The following PARD3B variants were observed in gnomAD, a reference collection of about 807,000 sequenced individuals.
The protein encoded by PARD3B is partitioning defective 3 homolog B.
In PARD3B, 103 loss-of-function variants were observed where a neutral mutation model predicts 130.2. The ratio of observed to expected loss-of-function variants is 0.79; its 90% CI spans 0.67 to 0.93. The LOEUF (loss-of-function observed/expected upper bound fraction) is 0.93. Among genes scored for constraint, PARD3B ranks in the 40% least tolerant of loss-of-function variants. PARD3B has a pLI of 0.00. For synonymous variants in PARD3B, 583 were observed against 553.2 expected (o/e 1.05, Z -0.76); for missense variants, 1,609 against 1,499.2 (o/e 1.07, Z -1.21).
At chr2:205,442,856 A>T (rs2047769330) in intron 20 of PARD3B, among the ~76,000 whole-genome samples, 1 of 152,226 alleles carries the variant, frequency 6.6e-6, no homozygotes. Context: ...AAAATTATTG[A>T]CTGCCCAGTC....
In PARD3B at chr2:205,101,012, CTT is replaced by C. The variant is rs202246662; in HGVS notation, c.505-3411_505-3410del. 4.6e-3 allele frequency among the ~76,000 whole-genome samples: 701 copies of C among 152,246 alleles called. 8 individuals are homozygous for C. Among genetic ancestry groups the C allele is most frequent in the African/African-American group, 0.016 (653 of 41,568 alleles). On this transcript the variant is annotated intron_variant, in intron 4 of 22. Coordinates refer to ENST00000406610, the MANE Select transcript of PARD3B (RefSeq NM_001302769.2). Reference sequence around the variant, plus strand: ...CATTGGACTTCGTTAACATAAAAAACTTTTGTGCTTTAAAGGACACATGAAGA... The same window carrying C: ...CATTGGACTTCGTTAACATAAAAAACTTGTGCTTTAAAGGACACATGAAGA...
At chr2:204,558,804 A>G (rs1488758331) in intron 1 of PARD3B, among the ~76,000 whole-genome samples, 2 of 152,226 alleles carry the variant, frequency 1.3e-5, no homozygotes, top group Non-Finnish European at 2.9e-5. Flanking sequence ...CTACAAGGCT[A>G]CAGTAACCAA....
chr2:205,489,840 G>A (rs1452295176), intron 20 of PARD3B, among the ~76,000 whole-genome samples: 1 of 152,090 alleles, frequency 6.6e-6, no homozygotes, highest in Non-Finnish European at 1.5e-5. Context: ...CTCCCTTTGT[G>A]AGAAATGGAG....
intron 13 of PARD3B, among the ~76,000 whole-genome samples, chr2:205,185,484 C>A (rs1203241642): frequency 1.3e-5 from 2 of 152,080 alleles, no homozygotes; most frequent in Admixed American, 6.6e-5. Flanking sequence ...TATGTGTCAG[C>A]CTTTTGTTGG....
At chr2:204,802,011 T>C (rs1022703112) in intron 2 of PARD3B, among the ~76,000 whole-genome samples, 1 of 152,250 alleles carries the variant, frequency 6.6e-6, no homozygotes, top group African/African-American at 2.4e-5. Context: ...TTATGTTTAT[T>C]GATTTGCATA....
intron 2 of PARD3B, among the ~76,000 whole-genome samples, chr2:204,748,247 A>G (rs938548609): frequency 6.6e-5 from 10 of 152,230 alleles, no homozygotes; most frequent in East Asian, 1.9e-4. Context: ...AAAGATGGGT[A>G]GAAAAATGTC....
chr2:204,823,899 C>G (rs1384646065), intron 2 of PARD3B, among the ~76,000 whole-genome samples: 1 of 151,070 alleles, frequency 6.6e-6, no homozygotes, highest in Non-Finnish European at 1.5e-5. Flanking sequence ...GAGATCACAC[C>G]TCTGCACTCC....
At chr2:204,998,358 A>ATATG (rs1400529301) in intron 3 of PARD3B, among the ~76,000 whole-genome samples, 1,278 of 69,752 alleles carry the variant, frequency 0.018, 99 homozygotes, top group South Asian at 0.036. Flanking sequence ...ATATATATAT[A>ATATG]TGTGTGTGTG....
At chr2:204,608,763 A>T (rs1306203030) in intron 1 of PARD3B, among the ~76,000 whole-genome samples, 1 of 152,124 alleles carries the variant, frequency 6.6e-6, no homozygotes, top group East Asian at 1.9e-4. Flanking sequence ...TGCATACAAG[A>T]CTTCTATGCT....
At chr2:205,048,921 T>C (rs1699000592) in intron 4 of PARD3B, among the ~76,000 whole-genome samples, 1 of 152,236 alleles carries the variant, frequency 6.6e-6, no homozygotes, top group African/African-American at 2.4e-5. Context: ...TGTTCTATTT[T>C]AATGTACGTA....
chr2:205,403,862 T>C (rs1476972576), intron 19 of PARD3B, among the ~76,000 whole-genome samples: 1 of 152,210 alleles, frequency 6.6e-6, no homozygotes, highest in African/African-American at 2.4e-5. Flanking sequence ...ACAAATATTT[T>C]CCTTGTTCTT....
intron 2 of PARD3B, among the ~76,000 whole-genome samples, chr2:204,926,441 T>G (rs1687623613): frequency 6.6e-6 from 1 of 152,056 alleles, no homozygotes; most frequent in Admixed American, 6.6e-5. Flanking sequence ...CTGAGGAAAA[T>G]AGCACACCCC....
intron 1 of PARD3B, among the ~76,000 whole-genome samples, chr2:204,633,915 GT>G (rs2034780196): frequency 6.6e-6 from 1 of 152,182 alleles, no homozygotes; most frequent in Non-Finnish European, 1.5e-5. Context: ...AGGCAAATGT[GT>G]AATGTGAAAC....
intron 19 of PARD3B, among the ~76,000 whole-genome samples, chr2:205,419,214 A>T (rs2046881369): frequency 6.6e-6 from 1 of 152,062 alleles, no homozygotes; most frequent in Non-Finnish European, 1.5e-5. Context: ...TGTTCTCGTG[A>T]TAGTGAGTAA....
In PARD3B at chr2:204,861,924, C is replaced by CAAA. The variant is rs60473341; in HGVS notation, c.223-103203_223-103201dup. Among the ~76,000 whole-genome samples the CAAA allele has an allele frequency of 9.7e-3, 330 of 34,086 alleles. 23 individuals carry two copies. The highest frequency in any genetic ancestry group is 0.012 in the Non-Finnish European group (190 of 15,886). 22.4% of individuals were successfully genotyped at this position (34,086 alleles called of 152,430 possible). A position where few individuals can be genotyped will look rare whatever the true frequency, so the allele number is the denominator to read the frequency against. On this transcript the variant is annotated intron_variant, in intron 2 of 22. Coordinates refer to ENST00000406610, the MANE Select transcript of PARD3B (RefSeq NM_001302769.2). Reference sequence around the variant, plus strand: ...AAGACATTTAAAAGAAGACATTTCTCAAAAAAAAAAAAAAAAAAAAAAAAA... The same window carrying CAAA: ...AAGACATTTAAAAGAAGACATTTCTCAAAAAAAAAAAAAAAAAAAAAAAAAAAA...
chr2:204,728,958 A>C (rs142659224), intron 2 of PARD3B, among the ~76,000 whole-genome samples: 5 of 152,298 alleles, frequency 3.3e-5, no homozygotes, highest in African/African-American at 7.2e-5. Context: ...CATTACTCTT[A>C]AAGAGAAAGA....
intron 3 of PARD3B, among the ~76,000 whole-genome samples, chr2:205,023,459 T>A (rs1213444938): frequency 6.6e-6 from 1 of 151,172 alleles, no homozygotes; most frequent in Non-Finnish European, 1.5e-5. Flanking sequence ...CACCTTTTTT[T>A]TTTTTTTTTT....
intron 15 of PARD3B, among the ~76,000 whole-genome samples, chr2:205,218,834 C>A (rs531405856): frequency 6.6e-6 from 1 of 152,124 alleles, no homozygotes; most frequent in Non-Finnish European, 1.5e-5. Context: ...AATCCAAGCA[C>A]TTTGGGAGGC....
At chr2:204,898,343 AT>A (rs2046721678) in intron 2 of PARD3B, among the ~76,000 whole-genome samples, 1 of 152,002 alleles carries the variant, frequency 6.6e-6, no homozygotes, top group African/African-American at 2.4e-5. Context: ...TGTATAATAA[AT>A]TATTGTTGAT....
Sources: allele counts gnomAD v4.1 joint callset (sites outside exome capture counted in the v4.1 genomes callset), GRCh38; gene constraint gnomAD v4.1.1; transcripts MANE v1.5; gene names NCBI Gene and HGNC (gene_info 2026-07-23, HGNC 2026-07-21).